CCDC158: variants seen among roughly 807,000 people sequenced by gnomAD.
The protein encoded by CCDC158 is coiled-coil domain containing 158.
Under a neutral mutation model 138.6 loss-of-function variants are expected in CCDC158, and 116 were observed. That is an observed-to-expected ratio of 0.84 (90% CI 0.72 to 0.98). The LOEUF (loss-of-function observed/expected upper bound fraction) is 0.98. Among genes scored for constraint, CCDC158 ranks in the 50% least tolerant of loss-of-function variants. The probability of loss-of-function intolerance (pLI) is 0.00; values close to 1 mark genes in which losing one functional copy is unlikely to be tolerated. For synonymous variants in CCDC158, 436 were observed against 442.4 expected (o/e 0.99, Z 0.18); for missense variants, 1,265 against 1,306.1 (o/e 0.97, Z 0.48).
At chr4:76,327,167 A>T (rs1720605122) in intron 22 of CCDC158, among the ~76,000 whole-genome samples, 1 of 152,158 alleles carries the variant, frequency 6.6e-6, no homozygotes, top group Non-Finnish European at 1.5e-5. Context: ...CTGAGTAATC[A>T]CTGAAACAAT....
intron 2 of CCDC158, among the ~76,000 whole-genome samples, chr4:76,408,392 T>C (rs1729013174): frequency 6.6e-6 from 1 of 152,058 alleles, no homozygotes; most frequent in African/African-American, 2.4e-5. Flanking sequence ...TGTGTTCATG[T>C]GTTCTCATTG....
chr4:76,334,462 CCTTA>C (rs1721286539), intron 18 of CCDC158, among the ~76,000 whole-genome samples: 1 of 152,076 alleles, frequency 6.6e-6, no homozygotes, highest in Admixed American at 6.6e-5. Context: ...GTATGAACAT[CCTTA>C]CTATGTCATT....
intron 18 of CCDC158, among the ~76,000 whole-genome samples, chr4:76,337,153 G>T (rs183608856): frequency 0.012 from 1,811 of 151,896 alleles, 13 homozygotes; most frequent in Admixed American, 0.019. Context: ...GCTATTTTTG[G>T]GTTTTTTTGT....
At chr4:76,373,523 C>G (rs1725437847) in intron 9 of CCDC158, among the ~76,000 whole-genome samples, 1 of 152,076 alleles carries the variant, frequency 6.6e-6, no homozygotes, top group African/African-American at 2.4e-5. Context: ...CTAAGACTAA[C>G]TTTTTCTTGA....
chr4:76,348,776 A>C (rs1439837547), intron 18 of CCDC158, among the ~76,000 whole-genome samples: 2 of 152,214 alleles, frequency 1.3e-5, no homozygotes, highest in Non-Finnish European at 2.9e-5. Context: ...CCAGGAAAGC[A>C]CAGAGAGACA....
chr4:76,321,454 G>T (rs904817999), intron 24 of CCDC158, among the ~76,000 whole-genome samples: 2 of 151,634 alleles, frequency 1.3e-5, no homozygotes, highest in East Asian at 3.9e-4. Flanking sequence ...ACTTGCACAC[G>T]CATGTTTATA....
At chr4:76,397,096 AATTC>A in intron 3 of CCDC158, among the ~76,000 whole-genome samples, 1 of 152,158 alleles carries the variant, frequency 6.6e-6, no homozygotes, top group South Asian at 2.1e-4. Flanking sequence ...TATGTCCAAA[AATTC>A]TTCGATATTC....
chr4:76,331,303 G>A (rs79867003), intron 21 of CCDC158, 41 bp downstream of exon 21: 1,167 of 1,545,956 alleles, frequency 7.5e-4, no homozygotes, highest in Non-Finnish European at 7.8e-4. Flanking sequence ...ATGAACAGTC[G>A]TAAAAGGGAC....
At chr4:76,347,570 T>A (rs1161060257) in intron 18 of CCDC158, among the ~76,000 whole-genome samples, 1 of 151,936 alleles carries the variant, frequency 6.6e-6, no homozygotes, top group Non-Finnish European at 1.5e-5. Context: ...TGTGAGGGGC[T>A]AGGGGAGGGA....
intron 18 of CCDC158, among the ~76,000 whole-genome samples, chr4:76,343,541 A>T (rs774276551): frequency 6.6e-6 from 1 of 152,228 alleles, no homozygotes; most frequent in Non-Finnish European, 1.5e-5. Context: ...TTGGCTGGAC[A>T]TGGTGGCTCA....
intron 12 of CCDC158, among the ~76,000 whole-genome samples, chr4:76,366,455 A>C (rs12507649): frequency 6.6e-6 from 1 of 151,652 alleles, no homozygotes; most frequent in Non-Finnish European, 1.5e-5. Context: ...CTATGAAATC[A>C]ATTTTTTTAA....
chr4:76,348,987 A>G (rs1350043671), intron 18 of CCDC158, among the ~76,000 whole-genome samples: 1 of 152,184 alleles, frequency 6.6e-6, no homozygotes, highest in African/African-American at 2.4e-5. Context: ...AGATAGATAT[A>G]AAGACCAGCA....
intron 9 of CCDC158, chr4:76,375,163 A>G: frequency 5.7e-6 from 1 of 174,878 alleles, no homozygotes; most frequent in Non-Finnish European, 1.2e-5. Context: ...ATAAATATTG[A>G]CATCTGAGAT....
At chr4:76,394,068 T>C (rs1468858580) in intron 4 of CCDC158, among the ~76,000 whole-genome samples, 5 of 152,138 alleles carry the variant, frequency 3.3e-5, no homozygotes, top group Non-Finnish European at 7.4e-5. Flanking sequence ...AAGAACAGTT[T>C]GGAGGTCTCT....
chr4:76,347,702 A>G (rs1327065054), intron 18 of CCDC158, among the ~76,000 whole-genome samples: 1 of 152,168 alleles, frequency 6.6e-6, no homozygotes, highest in Admixed American at 6.5e-5. Flanking sequence ...AAGTTAAAGT[A>G]TAATTTTTAA....
At chr4:76,383,902 T>G (rs1045501964) in intron 6 of CCDC158, among the ~76,000 whole-genome samples, 164 bp from the exon 7 acceptor site, 1 of 152,218 alleles carries the variant, frequency 6.6e-6, no homozygotes, top group Non-Finnish European at 1.5e-5. Context: ...TTGTCTATAC[T>G]CTCATGAAGC....
Position 76,403,257 on chromosome 4 carries a change from C to G in CCDC158, c.-50G>C. 1 of 1,287,626 alleles carries G rather than the reference C, an allele frequency of 7.8e-7. No individual in the cohort carries two copies. 79.8% of individuals were successfully genotyped at this position (1,287,626 alleles called of 1,614,324 possible). ...GAGATCTTGAAGTATGAATGGTTCC[C>G]TCTTTGGTTCTTTTGGTTCCTGTCT... On this transcript the variant is annotated 5_prime_UTR_variant, in exon 3 of 25. Coordinates refer to ENST00000682701, the MANE Select transcript of CCDC158 (RefSeq NM_001394954.1).
chr4:76,345,359 G>T, intron 18 of CCDC158: 2 of 1,106,408 alleles, frequency 1.8e-6, no homozygotes. Context: ...CTCTGGATAA[G>T]GCCCGGTTAA....
chr4:76,315,384 C>T (rs1719285553), intron 24 of CCDC158, among the ~76,000 whole-genome samples: 1 of 152,182 alleles, frequency 6.6e-6, no homozygotes, highest in African/African-American at 2.4e-5. Context: ...TGGCCCTGCA[C>T]ATCACCCGAT....
Sources: allele counts gnomAD v4.1 joint callset (sites outside exome capture counted in the v4.1 genomes callset), GRCh38; gene constraint gnomAD v4.1.1; transcripts MANE v1.5; gene names NCBI Gene and HGNC (gene_info 2026-07-23, HGNC 2026-07-21).